Variants in SPATA17 observed in about 807,000 individuals in gnomAD.
The protein encoded by SPATA17 is spermatogenesis-associated protein 17.
A neutral mutation model predicts 62.2 loss-of-function variants in SPATA17; 53 were observed. The ratio of observed to expected loss-of-function variants is 0.85; its 90% CI spans 0.68 to 1.07. SPATA17 has a LOEUF of 1.07. SPATA17 is among the 50% of genes least tolerant of loss of function. The pLI is 0.00. For synonymous variants in SPATA17, 146 were observed against 146.8 expected (o/e 0.99, Z 0.04); for missense variants, 466 against 425.5 (o/e 1.10, Z -0.84).
At chr1:217,807,692 T>C (rs569807233) in intron 9 of SPATA17, among the ~76,000 whole-genome samples, 1 of 152,168 alleles carries the variant, frequency 6.6e-6, no homozygotes, top group Admixed American at 6.5e-5. Context: ...AGAACATTAG[T>C]CAAAAAACAT....
rs1031727786 is a variant in SPATA17 at position 217,868,486 on chromosome 1, A to T, written c.*1467A>T. 6.6e-6 allele frequency: 1 copy of T among 152,112 alleles called. No homozygotes were observed. The highest frequency in any genetic ancestry group is 1.5e-5 in the Non-Finnish European group (1 of 68,018). The allele number at this position is 152,112 out of a possible 1,614,324, so 9.4% of individuals were successfully genotyped here. ...CACCTACCTTAAATATGCTCAGAAC[A>T]CATACGTTAGCCTATAGTTGGGCAA... On this transcript the variant is annotated 3_prime_UTR_variant, in exon 11 of 11. Coordinates refer to ENST00000366933, the MANE Select transcript of SPATA17 (RefSeq NM_138796.4).
chr1:217,771,616 G>A lies in SPATA17; in HGVS notation c.520-2718G>A, dbSNP rs900044093. ...GGACTGTTTTTATTGACATAACTTA[G>A]CAAATGTATTAAATTAATTTCTAAA... On this transcript the variant is annotated intron_variant, in intron 6 of 10. Coordinates refer to ENST00000366933, the MANE Select transcript of SPATA17 (RefSeq NM_138796.4). 2.0e-5 allele frequency among the ~76,000 whole-genome samples: 3 copies of A among 152,106 alleles called. No individual in the cohort carries two copies. The East Asian group carries it at 5.8e-4, about 29-fold the overall frequency.
chr1:217,813,620 G>A lies in SPATA17; in HGVS notation c.1005+11770G>A, dbSNP rs540846880. Among the ~76,000 whole-genome samples the A allele has an allele frequency of 5.9e-5, 9 of 152,074 alleles. No homozygotes were observed. The South Asian group carries it at 8.3e-4, about 14-fold the overall frequency. ...GGAAAATATTTTGCTTATGAGGATG[G>A]CCTTCAATAATCAAATACTCAGTTT... is the stretch of plus-strand genomic sequence containing the variant. On this transcript the variant is annotated intron_variant, in intron 9 of 10. Coordinates refer to ENST00000366933, the MANE Select transcript of SPATA17 (RefSeq NM_138796.4).
intron 9 of SPATA17, among the ~76,000 whole-genome samples, chr1:217,838,599 A>G (rs560734794): frequency 6.6e-6 from 1 of 152,206 alleles, no homozygotes; most frequent in Non-Finnish European, 1.5e-5. Flanking sequence ...TGTTATAGAT[A>G]TATACTATCT....
chr1:217,631,640 C>T (rs994878652), intron 1 of SPATA17, among the ~76,000 whole-genome samples, 194 bp downstream of exon 1: 3 of 152,082 alleles, frequency 2.0e-5, no homozygotes, highest in African/African-American at 7.2e-5. Context: ...TAGAGAGGGG[C>T]CGTAGATATT....
At chr1:217,749,045 C>T (rs919920033) in intron 6 of SPATA17, among the ~76,000 whole-genome samples, 6 of 152,026 alleles carry the variant, frequency 3.9e-5, no homozygotes, top group African/African-American at 1.4e-4. Flanking sequence ...TATTGCATTG[C>T]ACATTACATT....
chr1:217,861,419 G>T (rs1675895356), intron 9 of SPATA17, among the ~76,000 whole-genome samples: 1 of 148,202 alleles, frequency 6.7e-6, no homozygotes. Context: ...AAAAATAAAG[G>T]TATTCACAGT....
At chr1:217,860,858 T>C (rs1476394238) in intron 9 of SPATA17, among the ~76,000 whole-genome samples, 3 of 152,186 alleles carry the variant, frequency 2.0e-5, no homozygotes, top group Non-Finnish European at 2.9e-5. Flanking sequence ...GATCAATATA[T>C]ACCAAATTTG....
At chr1:217,828,676 G>GA (rs1037348660) in intron 9 of SPATA17, among the ~76,000 whole-genome samples, 1 of 151,650 alleles carries the variant, frequency 6.6e-6, no homozygotes, top group African/African-American at 2.4e-5. Flanking sequence ...ACAAACTGGG[G>GA]AAAAAAATTG....
At chr1:217,722,528 C>T (rs1299514790) in intron 5 of SPATA17, among the ~76,000 whole-genome samples, 1 of 152,060 alleles carries the variant, frequency 6.6e-6, no homozygotes, top group Non-Finnish European at 1.5e-5. Flanking sequence ...CTTTCAAAAT[C>T]ATACCAGACA....
intron 9 of SPATA17, among the ~76,000 whole-genome samples, chr1:217,831,223 C>T (rs1424884476): frequency 1.3e-5 from 2 of 152,040 alleles, no homozygotes; most frequent in African/African-American, 4.8e-5. Flanking sequence ...TGTCATTTGT[C>T]CATTGTGTTA....
intron 3 of SPATA17, among the ~76,000 whole-genome samples, chr1:217,652,547 T>TC (rs539447372): frequency 1.3e-4 from 20 of 152,218 alleles, no homozygotes; most frequent in African/African-American, 4.6e-4. Context: ...CTTTTTTTTT[T>TC]CCCTTCTCCT....
intron 9 of SPATA17, among the ~76,000 whole-genome samples, chr1:217,845,257 A>AT: frequency 6.6e-6 from 1 of 151,968 alleles, no homozygotes; most frequent in East Asian, 1.9e-4. Context: ...GGCCTATATA[A>AT]TTTTTTCCCT....
At chr1:217,813,169 A>C (rs917381609) in intron 9 of SPATA17, among the ~76,000 whole-genome samples, 2 of 152,242 alleles carry the variant, frequency 1.3e-5, no homozygotes, top group East Asian at 1.9e-4. Context: ...GATGTAGAAC[A>C]CATCATAGAT....
chr1:217,635,411 A>T (rs1022435938), intron 1 of SPATA17, among the ~76,000 whole-genome samples: 1 of 152,166 alleles, frequency 6.6e-6, no homozygotes, highest in Non-Finnish European at 1.5e-5. Context: ...AGGTAGATTT[A>T]AAAATTTTCT....
At chr1:217,810,411 CAGG>C (rs1324006038) in intron 9 of SPATA17, among the ~76,000 whole-genome samples, 1 of 152,074 alleles carries the variant, frequency 6.6e-6, no homozygotes, top group East Asian at 1.9e-4. Context: ...ATCACAGAGT[CAGG>C]AGTTCGAGAC....
intron 5 of SPATA17, among the ~76,000 whole-genome samples, chr1:217,715,718 C>G (rs2102930065): frequency 1.3e-5 from 2 of 150,608 alleles, no homozygotes. Flanking sequence ...TTTATGTGAA[C>G]AACTTCTAGT....
At chr1:217,841,928 T>G (rs191682773) in intron 9 of SPATA17, among the ~76,000 whole-genome samples, 4 of 151,686 alleles carry the variant, frequency 2.6e-5, no homozygotes, top group Admixed American at 1.3e-4. Context: ...CATTTTCAAT[T>G]ATTTCTAATC....
chr1:217,689,221 C>CTTTTTTTTTTTTTT (rs200885875), intron 5 of SPATA17, among the ~76,000 whole-genome samples: 5 of 102,590 alleles, frequency 4.9e-5, no homozygotes, highest in African/African-American at 7.2e-5. Flanking sequence ...TTTATTATGT[C>CTTTTTTTTTTTTTT]TTTTTTTTTT....
Sources: allele counts gnomAD v4.1 joint callset (sites outside exome capture counted in the v4.1 genomes callset), GRCh38; gene constraint gnomAD v4.1.1; transcripts MANE v1.5; gene names NCBI Gene and HGNC (gene_info 2026-07-23, HGNC 2026-07-21).